PABPC4L: variants seen among roughly 807,000 people sequenced by gnomAD.
PABPC4L encodes poly(A) binding protein cytoplasmic 4 like, also known as polyadenylate-binding protein 4-like.
For missense variants in PABPC4L, 452 were observed against 451.4 expected, an observed-to-expected ratio of 1.00 and a Z score of -0.01; for synonymous variants, 169 against 164.1, an observed-to-expected ratio of 1.03 and a Z score of -0.23.
the PABPC4L span, among the ~76,000 whole-genome samples, chr4:133,976,889 A>C: frequency 2.0e-5 from 3 of 151,454 alleles, no homozygotes; most frequent in Non-Finnish European, 3.0e-5. Flanking sequence ...AGATTGCAAA[A>C]ATTTTCTCCC....
chr4:133,956,114 A>G, the PABPC4L span, among the ~76,000 whole-genome samples: 3 of 152,176 alleles, frequency 2.0e-5, no homozygotes, highest in African/African-American at 7.2e-5. Flanking sequence ...TCATTAACTT[A>G]ACAGAATGCT....
the PABPC4L span, among the ~76,000 whole-genome samples, chr4:134,167,167 T>A: frequency 6.6e-6 from 1 of 152,142 alleles, no homozygotes; most frequent in African/African-American, 2.4e-5. Context: ...AGCCACAGAA[T>A]GTACAACACC....
the PABPC4L span, among the ~76,000 whole-genome samples, chr4:134,171,793 A>T: frequency 2.0e-5 from 3 of 152,122 alleles, no homozygotes; most frequent in Non-Finnish European, 4.4e-5. Flanking sequence ...AAGGTCCAAG[A>T]TCTAATAAAG....
chr4:134,153,457 A>G, the PABPC4L span, among the ~76,000 whole-genome samples: 2 of 152,110 alleles, frequency 1.3e-5, 1 homozygote, highest in South Asian at 4.1e-4. Context: ...TAAGTCAAAA[A>G]CAAATCACAA....
At chr4:134,128,160 T>G in the PABPC4L span, among the ~76,000 whole-genome samples, 1 of 152,272 alleles carries the variant, frequency 6.6e-6, no homozygotes, top group South Asian at 2.1e-4. Flanking sequence ...AATTTGGGAT[T>G]ATGTTAAACG....
the PABPC4L span, among the ~76,000 whole-genome samples, chr4:134,141,297 A>G: frequency 3.3e-5 from 5 of 151,668 alleles, no homozygotes; most frequent in East Asian, 3.9e-4. Flanking sequence ...TCTGGTAGAA[A>G]AGAGAGAACT....
At chr4:134,026,762 T>C in the PABPC4L span, among the ~76,000 whole-genome samples, 229 of 152,266 alleles carry the variant, frequency 1.5e-3, 1 homozygote, top group Non-Finnish European at 2.6e-3. Flanking sequence ...ACTGGTGTTC[T>C]ATAAAAAGGA....
At chr4:134,044,946 C>G in the PABPC4L span, among the ~76,000 whole-genome samples, 107,040 of 151,988 alleles carry the variant, frequency 0.7, 38,109 homozygotes, top group East Asian at 0.95. Flanking sequence ...CCAGTAAAAT[C>G]ATTATCTGCA....
the PABPC4L span, among the ~76,000 whole-genome samples, chr4:134,001,811 A>C: frequency 6.6e-6 from 1 of 152,214 alleles, no homozygotes; most frequent in South Asian, 2.1e-4. Context: ...TATAAATCAT[A>C]TCTATAGTAA....
At chr4:134,192,283 A>C (rs752085463), downstream of PABPC4L, among the ~76,000 whole-genome samples, 9 of 152,090 alleles carry the variant, frequency 5.9e-5, no homozygotes, top group Non-Finnish European at 1.0e-4. Flanking sequence ...ATATTATATA[A>C]TACTACTTAT....
At chr4:134,078,382 G>A in the PABPC4L span, among the ~76,000 whole-genome samples, 2 of 152,072 alleles carry the variant, frequency 1.3e-5, no homozygotes, top group Non-Finnish European at 2.9e-5. Context: ...GTACTTAAAG[G>A]AATCTAAAAG....
chr4:133,985,947 C>T, the PABPC4L span, among the ~76,000 whole-genome samples: 10 of 152,060 alleles, frequency 6.6e-5, no homozygotes, highest in African/African-American at 2.4e-4. Flanking sequence ...ATGTCAAGCT[C>T]AGTAAAAATT....
At chr4:134,082,835 A>G in the PABPC4L span, among the ~76,000 whole-genome samples, 1 of 152,148 alleles carries the variant, frequency 6.6e-6, no homozygotes, top group Non-Finnish European at 1.5e-5. Flanking sequence ...AAAGTGTAAA[A>G]TAGTCTATCC....
the PABPC4L span, among the ~76,000 whole-genome samples, chr4:133,992,197 G>A: frequency 4.9e-4 from 75 of 152,238 alleles, no homozygotes; most frequent in African/African-American, 1.7e-3. Context: ...CAGTATGGTC[G>A]CCCTGCAAAT....
chr4:134,181,415 T>G, the PABPC4L span, among the ~76,000 whole-genome samples: 1 of 152,022 alleles, frequency 6.6e-6, no homozygotes, highest in Non-Finnish European at 1.5e-5. Context: ...GCTAACATCA[T>G]ACTGAATGGC....
chr4:134,055,901 G>C, the PABPC4L span, among the ~76,000 whole-genome samples: 16 of 151,864 alleles, frequency 1.1e-4, no homozygotes, highest in African/African-American at 3.9e-4. Flanking sequence ...CCTAGCCCTA[G>C]ATTATGAAGA....
chr4:133,968,534 C>T, the PABPC4L span, among the ~76,000 whole-genome samples: 1 of 152,066 alleles, frequency 6.6e-6, no homozygotes, highest in African/African-American at 2.4e-5. Flanking sequence ...CAGGATTGAA[C>T]TTGGAACTGG....
At chr4:134,192,033 A>C (rs570486608), downstream of PABPC4L, among the ~76,000 whole-genome samples, 154 of 152,182 alleles carry the variant, frequency 1.0e-3, no homozygotes, top group African/African-American at 3.6e-3. Flanking sequence ...TAACCGAGAG[A>C]ACTGAACACA....
chr4:134,115,471 C>A, the PABPC4L span, among the ~76,000 whole-genome samples: 1 of 151,686 alleles, frequency 6.6e-6, no homozygotes, highest in Non-Finnish European at 1.5e-5. Context: ...ACCTAATATA[C>A]AGCTAGTTGT....
Sources: gnomAD v4.1 joint callset for allele counts (sites outside exome capture counted in the v4.1 genomes callset) on GRCh38, gnomAD v4.1.1 for gene constraint, MANE v1.5 for transcripts, NCBI Gene and HGNC (gene_info 2026-07-23, HGNC 2026-07-21) for gene names.